The following CRISP1 variants were observed in gnomAD, a reference collection of about 807,000 sequenced individuals.
The protein encoded by CRISP1 is cysteine-rich secretory protein 1.
CRISP1 carries 44 observed loss-of-function variants against 33.1 expected under a neutral mutation model. The ratio of observed to expected loss-of-function variants is 1.33; its 90% confidence interval spans 1.05 to 1.71. The LOEUF is 1.71. Ranked by LOEUF, CRISP1 falls within the 40% of genes most tolerant of loss-of-function variation. The probability of loss-of-function intolerance (pLI) is 0.00; values close to 1 mark genes in which losing one functional copy is unlikely to be tolerated. For synonymous variants in CRISP1, 103 were observed against 98.7 expected (o/e 1.04, Z -0.26); for missense variants, 390 against 301.2 (o/e 1.29, Z -2.18).
intron 2 of CRISP1, among the ~76,000 whole-genome samples, chr6:49,855,495 A>G (rs1262414124): frequency 6.7e-6 from 1 of 149,860 alleles, no homozygotes; most frequent in Non-Finnish European, 1.5e-5. Context: ...GCCATAGAAT[A>G]TTTGCCCATG....
chr6:49,875,780 C>A (rs1267837751), intron 1 of CRISP1, among the ~76,000 whole-genome samples: 2 of 152,150 alleles, frequency 1.3e-5, no homozygotes, highest in Non-Finnish European at 2.9e-5. Flanking sequence ...ACAAACCTGA[C>A]AAAAACAAGC....
chr6:49,836,699 T>G (rs1306669571), intron 7 of CRISP1, among the ~76,000 whole-genome samples: 1 of 152,198 alleles, frequency 6.6e-6, no homozygotes, highest in Non-Finnish European at 1.5e-5. Flanking sequence ...TATCCTTCTA[T>G]GCTATACACA....
upstream of CRISP1, chr6:49,866,657 G>A (rs1023759849): frequency 6.6e-6 from 1 of 152,074 alleles, no homozygotes; most frequent in Non-Finnish European, 1.5e-5. Flanking sequence ...TCATGATTAT[G>A]GGGACATTTC....
chr6:49,846,599 C>T lies in CRISP1; in HGVS notation c.356G>A (p.Trp119Ter). The T allele has an allele frequency of 6.2e-7, 1 of 1,613,528 alleles. No individual in the cohort carries two copies. Among genetic ancestry groups the T allele is most frequent in the Non-Finnish European group, 8.5e-7 (1 of 1,179,654 alleles). The change falls in exon 5 of 8, where the codon TGG becomes TAG. Residue 119 changes from tryptophan to a stop codon, truncating the protein, a stop_gained. Transcript: ENST00000335847. LOFTEE classifies it high-confidence loss of function. The part of the protein sequence containing the change: ...PVSWSSVIGV[W>*]YSESTSFKHG... ...TTTGAAACTTGTAGACTCACTGTAC[C>T]AGACTCCAATTACACTTGACCATGA...
rs1771679639 is a variant in CRISP1, at chr6:49,862,461, C to G, written c.-3+3968G>C. Among the ~76,000 whole-genome samples the G allele has an allele frequency of 6.6e-5, 10 of 151,028 alleles. No homozygotes were observed. In the South Asian group the frequency reaches 2.1e-3, roughly 32 times the overall value. Reference sequence around the variant, plus strand: ...ATATTTTACATATAGTTTTTTTTGTCAAAAGTGTGTGAAAAAATTCATTGT... The same window carrying G: ...ATATTTTACATATAGTTTTTTTTGTGAAAAGTGTGTGAAAAAATTCATTGT... On this transcript the variant is annotated intron_variant, in intron 1 of 7. Transcript: ENST00000335847.
At chr6:49,836,398 C>T (rs1279945292) in intron 7 of CRISP1, among the ~76,000 whole-genome samples, 2 of 150,350 alleles carry the variant, frequency 1.3e-5, no homozygotes, top group Admixed American at 1.3e-4. Context: ...TGCAGTGGTG[C>T]AATCTCGGCT....
intron 3 of CRISP1, among the ~76,000 whole-genome samples, chr6:49,850,943 A>C (rs958746254): frequency 6.6e-6 from 1 of 152,132 alleles, no homozygotes; most frequent in African/African-American, 2.4e-5. Context: ...ATTTTGAATA[A>C]GCTACTCAAT....
chr6:49,836,651 A>G (rs1014681882), intron 7 of CRISP1, among the ~76,000 whole-genome samples: 1 of 151,996 alleles, frequency 6.6e-6, no homozygotes, highest in South Asian at 2.1e-4. Context: ...CAAATTTTAA[A>G]TTTACATTTA....
rs1033434802 is a variant in CRISP1 at position 49,834,766 on chromosome 6, C to T, written c.*550G>A. The T allele has an allele frequency of 1.3e-5, 2 of 152,094 alleles. No individual in the cohort carries two copies. Among genetic ancestry groups the T allele is most frequent in the Non-Finnish European group, 2.9e-5 (2 of 68,038 alleles). 9.4% of individuals were successfully genotyped at this position (152,094 alleles called of 1,614,324 possible). On this transcript the variant is annotated 3_prime_UTR_variant, in exon 8 of 8. Coordinates refer to ENST00000335847, the MANE Select transcript of CRISP1 (RefSeq NM_001131.3). Reference sequence around the variant, plus strand: ...AGCTTTTTTATTGTTTCTTGCTTCACAAATGTATATATAGATGTGTCAATA... The same window carrying T: ...AGCTTTTTTATTGTTTCTTGCTTCATAAATGTATATATAGATGTGTCAATA...
At chr6:49,835,676 T>A (rs1770765638) in intron 7 of CRISP1, among the ~76,000 whole-genome samples, 1 of 152,224 alleles carries the variant, frequency 6.6e-6, no homozygotes, top group African/African-American at 2.4e-5. Flanking sequence ...CACAATTTTT[T>A]AAGTCCAATA....
chr6:49,846,272 T>A (rs574264001), intron 5 of CRISP1, among the ~76,000 whole-genome samples: 1 of 152,184 alleles, frequency 6.6e-6, no homozygotes, highest in Non-Finnish European at 1.5e-5. Flanking sequence ...ATGAGATTGA[T>A]GTCTTATGAT....
intron 1 of CRISP1, among the ~76,000 whole-genome samples, chr6:49,865,512 C>G (rs1771778542): frequency 2.0e-5 from 3 of 152,078 alleles, no homozygotes; most frequent in Admixed American, 6.6e-5. Flanking sequence ...ATGATTTTCT[C>G]TCATTATAGT....
At chr6:49,869,890 G>A (rs9473680), upstream of CRISP1, among the ~76,000 whole-genome samples, 1 of 151,850 alleles carries the variant, frequency 6.6e-6, no homozygotes, top group African/African-American at 2.4e-5. Context: ...ACTAATCCCA[G>A]GGGTACTAAA....
chr6:49,874,496 A>C (rs911479163), intron 1 of CRISP1, among the ~76,000 whole-genome samples: 1 of 151,980 alleles, frequency 6.6e-6, no homozygotes, highest in African/African-American at 2.4e-5. Flanking sequence ...GAAAACCACC[A>C]TTTTTAAGGG....
At chr6:49,854,224 T>C (rs1294592709) in intron 2 of CRISP1, among the ~76,000 whole-genome samples, 1 of 152,184 alleles carries the variant, frequency 6.6e-6, no homozygotes, top group African/African-American at 2.4e-5. Context: ...CTAATCTTTC[T>C]AAGGCTCAAT....
chr6:49,839,026 T>G (rs1770896276), intron 6 of CRISP1, among the ~76,000 whole-genome samples: 1 of 152,048 alleles, frequency 6.6e-6, no homozygotes. Context: ...TGTCTTTTAT[T>G]GAAAGAGATG....
chr6:49,857,498 T>G (rs1361903109), intron 1 of CRISP1, 96 bp from the exon 2 acceptor site: 11 of 1,196,552 alleles, frequency 9.2e-6, no homozygotes, highest in African/African-American at 4.6e-5. Context: ...TGTTTGCATT[T>G]TTTTTCCTAA....
chr6:49,848,116 C>T (rs1302584574), intron 4 of CRISP1, 93 bp downstream of exon 4: 2 of 671,442 alleles, frequency 3.0e-6, no homozygotes, highest in East Asian at 2.7e-5. Context: ...ATCTAGATGA[C>T]TTAATTTACT....
At chr6:49,862,167 C>T (rs912910010) in intron 1 of CRISP1, among the ~76,000 whole-genome samples, 2 of 152,076 alleles carry the variant, frequency 1.3e-5, no homozygotes, top group African/African-American at 4.8e-5. Context: ...AAGACTCCAC[C>T]AAATTCTTAG....
Sources: gnomAD v4.1 joint callset for allele counts (sites outside exome capture counted in the v4.1 genomes callset) on GRCh38, gnomAD v4.1.1 for gene constraint, MANE v1.5 for transcripts, NCBI Gene and HGNC (gene_info 2026-07-23, HGNC 2026-07-21) for gene names.